Variants in GLOD4 observed in about 807,000 individuals in gnomAD.
The protein encoded by GLOD4 is glyoxalase domain-containing protein 4.
Under a neutral mutation model 39.1 loss-of-function variants are expected in GLOD4, and 44 were observed. The observed-to-expected ratio is 1.13, with a 90% confidence interval of 0.88 to 1.45. The LOEUF (loss-of-function observed/expected upper bound fraction) is 1.45. GLOD4 is among the 40% of genes most tolerant of loss of function. GLOD4 has a pLI of 0.00. For missense variants in GLOD4, 405 were observed against 366.4 expected (o/e 1.11, Z -0.86); for synonymous variants, 145 against 135.0 (o/e 1.07, Z -0.52).
At chr17:784,896 T>TA (rs1910463591), upstream of GLOD4, among the ~76,000 whole-genome samples, 1 of 152,358 alleles carries the variant, frequency 6.6e-6, no homozygotes, top group African/African-American at 2.4e-5. Context: ...AGACGCCTAA[T>TA]ACCCTTCCAT....
At chr17:782,120 C>T in intron 1 of GLOD4, 46 bp downstream of exon 1, 1 of 1,454,826 alleles carries the variant, frequency 6.9e-7, no homozygotes, top group East Asian at 2.3e-5. Context: ...GGCTCGGGCG[C>T]CGGTTCCAGC....
Position 768,103 on chromosome 17 carries a change from G to A in GLOD4, c.831+1766C>T, listed in dbSNP as rs564545725. 6.3e-4 allele frequency among the ~76,000 whole-genome samples: 95 copies of A among 150,460 alleles called. 2 individuals carry two copies. The highest frequency in any genetic ancestry group is 1.8e-3 in the African/African-American group (73 of 40,258). ...AGATTTTTAGAAGAAGAAATCTGGAGAGGATGTGTGAGAGAGAAACAGCGT... is the reference window on the plus strand; with the variant it reads ...AGATTTTTAGAAGAAGAAATCTGGAAAGGATGTGTGAGAGAGAAACAGCGT... On this transcript the variant is annotated intron_variant, in intron 8 of 8. Transcript: ENST00000301329.
chr17:767,012 TAAAG>T (rs575772267), intron 8 of GLOD4, among the ~76,000 whole-genome samples: 12 of 152,362 alleles, frequency 7.9e-5, no homozygotes, highest in African/African-American at 2.9e-4. Context: ...ATAAAATGTA[TAAAG>T]ACTGTATTTT....
chr17:768,498 G>A (rs1907184153), intron 8 of GLOD4, among the ~76,000 whole-genome samples: 3 of 131,174 alleles, frequency 2.3e-5, no homozygotes, highest in Non-Finnish European at 3.2e-5. Context: ...GAGAGGACGT[G>A]AGAGAGAGAA....
upstream of GLOD4, chr17:782,424 C>T: frequency 6.2e-7 from 1 of 1,613,996 alleles, no homozygotes. Flanking sequence ...GCGACCGTTG[C>T]TGCAGGTGGT....
intron 4 of GLOD4, among the ~76,000 whole-genome samples, chr17:774,021 C>A (rs1908457987): frequency 6.6e-6 from 1 of 152,144 alleles, no homozygotes; most frequent in African/African-American, 2.4e-5. Context: ...TTATTTTAAG[C>A]ACTGAAATAT....
chr17:772,114 G>A (rs765332511), intron 4 of GLOD4, among the ~76,000 whole-genome samples: 6 of 148,710 alleles, frequency 4.0e-5, no homozygotes, highest in East Asian at 3.9e-4. Flanking sequence ...GCTTGAGCCC[G>A]GGAGGTTGAG....
chr17:783,197 G>A, upstream of GLOD4: 1 of 1,614,136 alleles, frequency 6.2e-7, no homozygotes, highest in Non-Finnish European at 8.5e-7. Flanking sequence ...TGCCAAAAAT[G>A]TTCTTCTTTA....
intron 4 of GLOD4, among the ~76,000 whole-genome samples, chr17:773,276 G>A (rs1250128831): frequency 6.6e-6 from 1 of 152,114 alleles, no homozygotes; most frequent in Non-Finnish European, 1.5e-5. Flanking sequence ...GATGTATGAA[G>A]GGCTTTTACG....
At chr17:783,197 G>T, upstream of GLOD4, 1 of 1,614,136 alleles carries the variant, frequency 6.2e-7, no homozygotes, top group Non-Finnish European at 8.5e-7. Flanking sequence ...TGCCAAAAAT[G>T]TTCTTCTTTA....
chr17:778,580 A>C (rs1221573946), intron 2 of GLOD4, 115 bp downstream of exon 2: 1 of 759,448 alleles, frequency 1.3e-6, no homozygotes, highest in African/African-American at 1.7e-5. Flanking sequence ...TTGCCTCCCT[A>C]ATTTACTGCC....
Position 762,097 on chromosome 17 carries a change from G to A in GLOD4, c.832-1859C>T, listed in dbSNP as rs559599461. Among the ~76,000 whole-genome samples the A allele has an allele frequency of 3.3e-5, 5 of 152,204 alleles. No individual in the cohort carries two copies. The South Asian group carries it at 1.0e-3, about 32-fold the overall frequency. On this transcript the variant is annotated intron_variant, in intron 8 of 8. Coordinates refer to ENST00000301329, the MANE Select transcript of GLOD4 (RefSeq NM_016080.4). The stretch of plus-strand genomic sequence containing the variant: ...CTGGCTGTTTGCTTTGGGACAGACC[G>A]TAAGTTGACAATGAGGCCTTTCAAA...
intron 8 of GLOD4, chr17:764,206 G>A (rs1906043060): frequency 6.6e-6 from 1 of 152,296 alleles, no homozygotes; most frequent in Admixed American, 6.5e-5. Context: ...AGGATCACTG[G>A]AGGCCAGCCT....
upstream of GLOD4, chr17:782,526 C>G: frequency 3.1e-6 from 5 of 1,613,656 alleles, no homozygotes; most frequent in Non-Finnish European, 3.4e-6. Flanking sequence ...GGTGGTGGAA[C>G]AGAAGCGCGC....
chr17:780,917 CTTTTT>C (rs897931602), intron 1 of GLOD4, among the ~76,000 whole-genome samples: 2 of 120,830 alleles, frequency 1.7e-5, no homozygotes, highest in Non-Finnish European at 1.7e-5. Flanking sequence ...GGTGTTGAAT[CTTTTT>C]TTTTTTTTTT....
At chr17:768,062 GAA>G (rs1907025782) in intron 8 of GLOD4, among the ~76,000 whole-genome samples, 1 of 148,778 alleles carries the variant, frequency 6.7e-6, no homozygotes, top group African/African-American at 2.5e-5. Context: ...GTGAGAGAGA[GAA>G]ACAGCGCGCA....
chr17:765,800 T>C (rs985160731), intron 8 of GLOD4, among the ~76,000 whole-genome samples: 5 of 151,320 alleles, frequency 3.3e-5, no homozygotes, highest in Non-Finnish European at 5.9e-5. Context: ...AATACAAAAA[T>C]TAGCCAGGTG....
chr17:762,621 G>A (rs1044974042), intron 8 of GLOD4, among the ~76,000 whole-genome samples: 1 of 149,016 alleles, frequency 6.7e-6, no homozygotes, highest in Admixed American at 6.7e-5. Flanking sequence ...TCACCATCCA[G>A]GCCCCTGCCT....
upstream of GLOD4, chr17:782,692 GGTGAT>G: frequency 6.3e-7 from 1 of 1,596,192 alleles, no homozygotes; most frequent in African/African-American, 1.3e-5. Flanking sequence ...AGGAGGCTGA[GGTGAT>G]GTGGTTCTTG....
Sources: gnomAD v4.1 joint callset for allele counts (sites outside exome capture counted in the v4.1 genomes callset) on GRCh38, gnomAD v4.1.1 for gene constraint, MANE v1.5 for transcripts, NCBI Gene and HGNC (gene_info 2026-07-23, HGNC 2026-07-21) for gene names.